The following STAG1 variants were observed in gnomAD, a reference collection of about 807,000 sequenced individuals.
STAG1 encodes the protein STAG1 cohesin complex component.
A neutral mutation model predicts 170.9 loss-of-function variants in STAG1; 26 were observed. The ratio of observed to expected loss-of-function variants is 0.15; its 90% CI spans 0.11 to 0.21. The LOEUF (loss-of-function observed/expected upper bound fraction) is 0.21. Among genes scored for constraint, STAG1 ranks in the 10% least tolerant of loss-of-function variants. The pLI is 1.00. For missense variants in STAG1, 964 were observed against 1,509.5 expected, an observed-to-expected ratio of 0.64 and a Z score of 5.99; for synonymous variants, 514 against 497.7, an observed-to-expected ratio of 1.03 and a Z score of -0.44.
chr3:136,498,392 CAA>C (rs961430204), intron 9 of STAG1, among the ~76,000 whole-genome samples: 1 of 137,806 alleles, frequency 7.3e-6, no homozygotes. Context: ...GATCCGCCCA[CAA>C]AAAAAAAACC....
intron 4 of STAG1, among the ~76,000 whole-genome samples, chr3:136,577,040 T>G (rs1937490124): frequency 6.6e-6 from 1 of 152,232 alleles, no homozygotes; most frequent in South Asian, 2.1e-4. Context: ...TTAATCAAGC[T>G]ATTGCTGGTG....
intron 1 of STAG1, among the ~76,000 whole-genome samples, chr3:136,747,729 C>A (rs1935018501): frequency 6.6e-6 from 1 of 151,084 alleles, no homozygotes; most frequent in Admixed American, 6.6e-5. Flanking sequence ...AATATCATAT[C>A]AAAAACAGGT....
intron 4 of STAG1, among the ~76,000 whole-genome samples, chr3:136,587,972 C>A (rs1016221076): frequency 2.0e-5 from 3 of 151,810 alleles, no homozygotes; most frequent in Admixed American, 6.6e-5. Flanking sequence ...TCAAAAAAAA[C>A]AAAACAAAAA....
chr3:136,506,916 T>G (rs886898738), intron 7 of STAG1, among the ~76,000 whole-genome samples: 5 of 152,230 alleles, frequency 3.3e-5, no homozygotes, highest in African/African-American at 4.8e-5. Context: ...AAGATATTTG[T>G]TAATGGAAAA....
At chr3:136,440,401 T>C (rs1291238537) in intron 15 of STAG1, among the ~76,000 whole-genome samples, 1 of 152,014 alleles carries the variant, frequency 6.6e-6, no homozygotes, top group East Asian at 1.9e-4. Flanking sequence ...CCTCCCAAAG[T>C]ACTGGGATTA....
intron 28 of STAG1, among the ~76,000 whole-genome samples, chr3:136,355,298 G>C (rs1284349805): frequency 7.5e-6 from 1 of 133,322 alleles, no homozygotes; most frequent in Non-Finnish European, 1.5e-5. Context: ...ATTGCAGTGA[G>C]CCAAGATTGT....
At chr3:136,528,448 C>T (rs1315796743) in intron 6 of STAG1, among the ~76,000 whole-genome samples, 1 of 151,074 alleles carries the variant, frequency 6.6e-6, no homozygotes, top group Admixed American at 6.6e-5. Flanking sequence ...AGAAACTTGA[C>T]ATCTCCAAAG....
chr3:136,542,253 C>T, intron 5 of STAG1, 58 bp from the exon 6 acceptor site: 1 of 1,260,514 alleles, frequency 7.9e-7, no homozygotes, highest in South Asian at 1.2e-5. Flanking sequence ...TCAATTTCCA[C>T]TCTCTCAAGC....
In STAG1 at chr3:136,386,442, T is replaced by C. The variant is rs189481941; in HGVS notation, c.2278-8690A>G. 4.9e-4 allele frequency among the ~76,000 whole-genome samples: 74 copies of C among 152,280 alleles called. 1 individual carries two copies. The highest frequency in any genetic ancestry group is 4.8e-3 in the Admixed American group (73 of 15,274). ...CAATTAAGATGGTGAATTTATCATA[T>C]AAGCTATATTAGAAAGAAGCTTTCC... On this transcript the variant is annotated intron_variant, in intron 22 of 33. Coordinates refer to ENST00000383202, the MANE Select transcript of STAG1 (RefSeq NM_005862.3).
At chr3:136,613,850 T>C (rs566481778) in intron 3 of STAG1, among the ~76,000 whole-genome samples, 2 of 152,342 alleles carry the variant, frequency 1.3e-5, no homozygotes, top group East Asian at 3.9e-4. Context: ...CTCACCAGAC[T>C]GGACCCAGAC....
intron 13 of STAG1, among the ~76,000 whole-genome samples, chr3:136,463,995 T>C (rs897617983): frequency 1.3e-5 from 2 of 150,944 alleles, no homozygotes; most frequent in Non-Finnish European, 2.9e-5. Context: ...CGCTAAAACA[T>C]GTACATCCTA....
In STAG1 at chr3:136,452,167, C is replaced by A. The variant is rs1412120814; in HGVS notation, c.1314-20G>T. ...AATAGCCTGGAAATGAAAAACAGGG[C>A]ATTGCAAAGTTACATGAATATGAAC... On this transcript the variant is annotated intron_variant, in intron 13 of 33. Transcript: ENST00000383202. 3.3e-6 allele frequency: 5 copies of A among 1,506,846 alleles called. No individual in the cohort carries two copies. Among genetic ancestry groups the A allele is most frequent in the South Asian group, 2.3e-5 (2 of 87,306 alleles). 93.3% of individuals were successfully genotyped at this position (1,506,846 alleles called of 1,614,324 possible).
At chr3:136,515,090 C>T (rs1934287345) in intron 7 of STAG1, among the ~76,000 whole-genome samples, 1 of 152,042 alleles carries the variant, frequency 6.6e-6, no homozygotes, top group Non-Finnish European at 1.5e-5. Flanking sequence ...TTGGGCTGGG[C>T]ATGGTTGCTC....
chr3:136,349,495 T>C lies in STAG1; in HGVS notation c.3066-132A>G, dbSNP rs1041350527. On this transcript the variant is annotated intron_variant, in intron 28 of 33. Transcript: ENST00000383202. ...AGGACACACATTAAACTATTAACAG[T>C]GGTCACCTTTGGAAAGAGAGGGACT... 4.5e-6 allele frequency: 3 copies of C among 669,624 alleles called. No homozygotes were observed. The African/African-American group carries it at 5.4e-5, about 12-fold the overall frequency. 41.5% of individuals were successfully genotyped at this position (669,624 alleles called of 1,614,324 possible).
At chr3:136,481,714 C>G (rs917719095) in intron 9 of STAG1, among the ~76,000 whole-genome samples, 3 of 100,426 alleles carry the variant, frequency 3.0e-5, no homozygotes, top group Admixed American at 2.3e-4. Flanking sequence ...TGGTCCTGGA[C>G]TCTTTTTGGT....
intron 30 of STAG1, among the ~76,000 whole-genome samples, chr3:136,341,832 T>C (rs1935983747): frequency 1.3e-5 from 2 of 152,194 alleles, no homozygotes; most frequent in Non-Finnish European, 2.9e-5. Flanking sequence ...GGTGCCGCAC[T>C]CACAGGTGTA....
intron 9 of STAG1, among the ~76,000 whole-genome samples, chr3:136,489,588 G>A (rs1295144933): frequency 6.6e-6 from 1 of 152,060 alleles, no homozygotes; most frequent in Admixed American, 6.6e-5. Context: ...TCTCTAAATT[G>A]CAGCACCCAG....
intron 1 of STAG1, among the ~76,000 whole-genome samples, chr3:136,653,221 G>A (rs566483045): frequency 9.2e-5 from 14 of 151,556 alleles, no homozygotes; most frequent in South Asian, 2.1e-4. Flanking sequence ...GCGGTGAGCC[G>A]AGATCGTGCT....
chr3:136,691,460 G>A (rs745520800), intron 1 of STAG1, among the ~76,000 whole-genome samples: 4 of 152,000 alleles, frequency 2.6e-5, no homozygotes, highest in Non-Finnish European at 4.4e-5. Context: ...TGGGCACAGT[G>A]GCACATTCCT....
Sources: gnomAD v4.1 joint callset for allele counts (sites outside exome capture counted in the v4.1 genomes callset) on GRCh38, gnomAD v4.1.1 for gene constraint, MANE v1.5 for transcripts, NCBI Gene and HGNC (gene_info 2026-07-23, HGNC 2026-07-21) for gene names.